TMEM164: variants seen among roughly 807,000 people sequenced by gnomAD.
The protein encoded by TMEM164 is RP13-360B22.2.
In TMEM164, 4 loss-of-function variants were observed where a neutral mutation model predicts 18.8. The ratio of observed to expected loss-of-function variants is 0.21; its 90% CI spans 0.10 to 0.49. TMEM164 has a LOEUF of 0.49. TMEM164 is among the 20% of genes least tolerant of loss of function. The probability of loss-of-function intolerance (pLI) is 0.98; values close to 1 mark genes in which losing one functional copy is unlikely to be tolerated. For missense variants in TMEM164, 108 were observed against 239.9 expected, an observed-to-expected ratio of 0.45 and a Z score of 3.63; for synonymous variants, 86 against 101.7, an observed-to-expected ratio of 0.85 and a Z score of 0.93.
chrX:110,156,036 C>G lies in TMEM164; in HGVS notation c.586+11160C>G, dbSNP rs756770034. Among the ~76,000 whole-genome samples, 54 of 112,189 alleles carry G rather than the reference C, an allele frequency of 4.8e-4. 1 individual carries two copies. Among genetic ancestry groups the G allele is most frequent in the African/African-American group, 1.6e-3 (48 of 30,920 alleles). ...CCTCCTGCCTCTGCTTCCCAAGCAG[C>G]TGAGACTGCAGGTACATACCACTGT... On this transcript the variant is annotated intron_variant, in intron 5 of 6. Coordinates refer to ENST00000372068, the MANE Select transcript of TMEM164 (RefSeq NM_032227.4).
At chrX:110,064,885 TACTTGAGAGGCTGAGGTAGGAG>T (rs1454387825) in intron 2 of TMEM164, among the ~76,000 whole-genome samples, 2 of 106,658 alleles carry the variant, frequency 1.9e-5, no homozygotes, top group African/African-American at 6.9e-5. Flanking sequence ...TAGTCCCAGC[TACTTGAGAGGCTGAGGTAGGAG>T]AATTGCTTCA....
downstream of TMEM164, among the ~76,000 whole-genome samples, chrX:110,180,976 A>T (rs1289958468): frequency 9.0e-6 from 1 of 111,693 alleles, no homozygotes; most frequent in African/African-American, 3.3e-5. Context: ...GCTCTCTAGT[A>T]TTCTGTCCCC....
chrX:110,166,544 A>G (rs903214254), intron 5 of TMEM164, among the ~76,000 whole-genome samples: 9 of 111,853 alleles, frequency 8.0e-5, no homozygotes, highest in African/African-American at 2.6e-4. Flanking sequence ...TAAGTCCTTC[A>G]TGGGTGGGAT....
chrX:110,067,153 C>T (rs1458694623), intron 2 of TMEM164, among the ~76,000 whole-genome samples, 194 bp from the exon 3 acceptor site: 1 of 46,484 alleles, frequency 2.2e-5, no homozygotes. Context: ...CTCATGTGTG[C>T]GCACACACAC....
chrX:110,102,543 G>T (rs2066127749), intron 3 of TMEM164, among the ~76,000 whole-genome samples: 1 of 111,650 alleles, frequency 9.0e-6, no homozygotes, highest in Non-Finnish European at 1.9e-5. Flanking sequence ...ATCTCGTGAA[G>T]GATCATAATA....
At chrX:110,015,151 C>G (rs1933272791) in intron 2 of TMEM164, among the ~76,000 whole-genome samples, 1 of 112,101 alleles carries the variant, frequency 8.9e-6, no homozygotes, top group African/African-American at 3.2e-5. Context: ...GAAGGATCCC[C>G]TTAAGAGCAG....
intron 2 of TMEM164, among the ~76,000 whole-genome samples, chrX:110,010,506 G>A (rs916714611): frequency 5.3e-5 from 6 of 112,883 alleles, no homozygotes; most frequent in Middle Eastern, 4.6e-3. Flanking sequence ...TTGTTATAAT[G>A]CGGATACCTT....
chrX:110,147,291 T>C (rs2066870689), intron 5 of TMEM164, among the ~76,000 whole-genome samples: 1 of 112,538 alleles, frequency 8.9e-6, no homozygotes, highest in African/African-American at 3.2e-5. Context: ...TATTTTTAAA[T>C]TTAATTTTTA....
intron 3 of TMEM164, among the ~76,000 whole-genome samples, chrX:110,086,811 C>T (rs776623071): frequency 1.8e-5 from 2 of 109,911 alleles, no homozygotes; most frequent in East Asian, 2.9e-4. Context: ...TACATATGTA[C>T]AGTAGGACAG....
chrX:110,071,157 ATTT>A (rs2065582090), intron 3 of TMEM164, among the ~76,000 whole-genome samples: 4 of 103,001 alleles, frequency 3.9e-5, no homozygotes, highest in African/African-American at 1.4e-4. Flanking sequence ...TTAAATATTT[ATTT>A]ATTTATTTAT....
At chrX:110,009,395 A>T (rs1213792708) in intron 2 of TMEM164, among the ~76,000 whole-genome samples, 3 of 112,344 alleles carry the variant, frequency 2.7e-5, no homozygotes, top group African/African-American at 9.7e-5. Context: ...GGGCTCTTTA[A>T]TGAATACCTT....
At chrX:110,166,966 C>CT in intron 5 of TMEM164, among the ~76,000 whole-genome samples, 1 of 111,726 alleles carries the variant, frequency 9.0e-6, no homozygotes, top group South Asian at 3.7e-4. Context: ...AGAGTACTTT[C>CT]TTTTTTTATT....
At chrX:110,037,984 ATTTTTTTTTTTTT>A (rs1036705725) in intron 2 of TMEM164, among the ~76,000 whole-genome samples, 8 of 72,696 alleles carry the variant, frequency 1.1e-4, no homozygotes, top group Admixed American at 1.7e-4. Flanking sequence ...CTTTGGACTC[ATTTTTTTTTTTTT>A]TTTTTTTTTT....
chrX:110,101,314 A>T (rs762883423), intron 3 of TMEM164, among the ~76,000 whole-genome samples: 7 of 111,795 alleles, frequency 6.3e-5, no homozygotes, highest in African/African-American at 2.3e-4. Flanking sequence ...ATTTAATAGT[A>T]TTATTCAGGT....
downstream of TMEM164, among the ~76,000 whole-genome samples, chrX:110,179,207 C>T (rs2067313586): frequency 1.8e-5 from 2 of 111,364 alleles, no homozygotes; most frequent in Admixed American, 9.5e-5. Context: ...CCATGGGTTC[C>T]TTTTTAGGAA....
chrX:110,109,229 T>C, intron 4 of TMEM164, 83 bp downstream of exon 4: 2 of 976,051 alleles, frequency 2.0e-6, no homozygotes, highest in Non-Finnish European at 2.9e-6. Context: ...AAAATATACA[T>C]ATAGCTGGCC....
At chrX:110,010,314 C>T (rs1932939903) in intron 2 of TMEM164, among the ~76,000 whole-genome samples, 1 of 112,789 alleles carries the variant, frequency 8.9e-6, no homozygotes, top group Admixed American at 9.3e-5. Context: ...TGTTATGCCT[C>T]ATTGAAATGA....
At chrX:110,156,811 C>A (rs773304889) in intron 5 of TMEM164, among the ~76,000 whole-genome samples, 57 of 111,124 alleles carry the variant, frequency 5.1e-4, no homozygotes, top group African/African-American at 1.9e-3. Context: ...GGGCACTAAT[C>A]TCATTCATGA....
chrX:110,036,712 A>T (rs1257733040), intron 2 of TMEM164, among the ~76,000 whole-genome samples: 2 of 112,215 alleles, frequency 1.8e-5, no homozygotes, highest in African/African-American at 3.2e-5. Context: ...TGAAATTTGA[A>T]TCATCAAATT....
Sources: gnomAD v4.1 joint callset for allele counts (sites outside exome capture counted in the v4.1 genomes callset) on GRCh38, gnomAD v4.1.1 for gene constraint, MANE v1.5 for transcripts, NCBI Gene and HGNC (gene_info 2026-07-23, HGNC 2026-07-21) for gene names.